The following GPC5 variants were observed in gnomAD, a reference collection of about 807,000 sequenced individuals.
GPC5 encodes glypican-5.
A neutral mutation model predicts 53.9 loss-of-function variants in GPC5; 47 were observed. The observed-to-expected ratio is 0.87, with a 90% CI of 0.69 to 1.11. The LOEUF (loss-of-function observed/expected upper bound fraction) is 1.11, where lower values mean the gene tolerates loss of function less well. Ranked by LOEUF, GPC5 falls within the 50% of genes most tolerant of loss-of-function variation. The probability of loss-of-function intolerance (pLI) is 0.00; values close to 1 mark genes in which losing one functional copy is unlikely to be tolerated. For missense variants in GPC5, 748 were observed against 713.1 expected (o/e 1.05, Z -0.56); for synonymous variants, 286 against 263.3 (o/e 1.09, Z -0.84).
chr13:92,513,353 A>G (rs2138955903), intron 7 of GPC5, among the ~76,000 whole-genome samples: 1 of 152,272 alleles, frequency 6.6e-6, no homozygotes, highest in Non-Finnish European at 1.5e-5. Context: ...TATAATAATG[A>G]ACATTGAAAG....
At chr13:92,487,084 GA>G (rs1190774817) in intron 7 of GPC5, among the ~76,000 whole-genome samples, 1 of 152,128 alleles carries the variant, frequency 6.6e-6, no homozygotes, top group East Asian at 1.9e-4. Context: ...TCGAACTCCT[GA>G]CCTCAGGTGA....
chr13:92,525,097 C>G (rs561373142), intron 7 of GPC5, among the ~76,000 whole-genome samples: 15 of 152,186 alleles, frequency 9.9e-5, no homozygotes, highest in Middle Eastern at 3.4e-3. Flanking sequence ...AAAGGCCATA[C>G]CATCGCATGG....
chr13:92,226,977 T>C (rs780429590), intron 7 of GPC5, among the ~76,000 whole-genome samples: 61 of 152,138 alleles, frequency 4.0e-4, no homozygotes, highest in Non-Finnish European at 6.0e-4. Flanking sequence ...CTGGGGCCAG[T>C]TACCTTGGAA....
chr13:92,381,691 A>T (rs890858153), intron 7 of GPC5, among the ~76,000 whole-genome samples: 2 of 151,548 alleles, frequency 1.3e-5, no homozygotes, highest in Non-Finnish European at 2.9e-5. Flanking sequence ...CGAAAACGAC[A>T]CTTGCATATG....
chr13:91,790,913 C>G (rs1015249130), intron 5 of GPC5, among the ~76,000 whole-genome samples: 1 of 152,066 alleles, frequency 6.6e-6, no homozygotes, highest in African/African-American at 2.4e-5. Context: ...GTACTCCATA[C>G]CCGTGTTTCT....
At chr13:91,572,065 GTATATACACACA>G (rs2031898127) in intron 2 of GPC5, among the ~76,000 whole-genome samples, 1 of 135,926 alleles carries the variant, frequency 7.4e-6, no homozygotes, top group African/African-American at 3.1e-5. Flanking sequence ...ATATATACAT[GTATATACACACA>G]TATGTATATG....
intron 7 of GPC5, among the ~76,000 whole-genome samples, chr13:92,695,531 A>T (rs1285119593): frequency 6.6e-6 from 1 of 152,002 alleles, no homozygotes; most frequent in Non-Finnish European, 1.5e-5. Context: ...CATCTTGTGA[A>T]ATTTGCCAAG....
intron 6 of GPC5, among the ~76,000 whole-genome samples, chr13:92,029,308 G>T (rs772604172): frequency 6.6e-6 from 1 of 152,190 alleles, no homozygotes; most frequent in Non-Finnish European, 1.5e-5. Context: ...GATGTTCTAT[G>T]AAATTTTGAC....
chr13:92,473,154 G>A (rs909566439), intron 7 of GPC5, among the ~76,000 whole-genome samples: 2 of 151,952 alleles, frequency 1.3e-5, no homozygotes, highest in Non-Finnish European at 2.9e-5. Flanking sequence ...TTCATCCATC[G>A]TCTAGATCTT....
intron 7 of GPC5, among the ~76,000 whole-genome samples, chr13:92,796,868 A>T (rs2138782231): frequency 6.6e-6 from 1 of 152,042 alleles, no homozygotes; most frequent in South Asian, 2.1e-4. Flanking sequence ...TCTAACTTTT[A>T]ATGAAAAATC....
chr13:91,979,404 C>T (rs1489970538), intron 6 of GPC5, among the ~76,000 whole-genome samples: 1 of 152,082 alleles, frequency 6.6e-6, no homozygotes, highest in Non-Finnish European at 1.5e-5. Flanking sequence ...TTCTAATTTT[C>T]CAAATGTCCT....
chr13:92,137,779 C>G (rs1486717234), intron 6 of GPC5, among the ~76,000 whole-genome samples: 1 of 152,278 alleles, frequency 6.6e-6, no homozygotes, highest in East Asian at 1.9e-4. Flanking sequence ...CATGCCCTAC[C>G]ACTCCCAGCT....
intron 1 of GPC5, among the ~76,000 whole-genome samples, chr13:91,408,331 T>C (rs1747485501): frequency 6.6e-6 from 1 of 152,178 alleles, no homozygotes; most frequent in Admixed American, 6.5e-5. Flanking sequence ...TGTGCCTGGT[T>C]TATTTCACTT....
intron 7 of GPC5, among the ~76,000 whole-genome samples, chr13:92,297,783 C>T (rs866445960): frequency 7.9e-5 from 12 of 151,996 alleles, no homozygotes; most frequent in South Asian, 2.1e-4. Context: ...ATTGGCAACC[C>T]GCTCGGGTCC....
intron 6 of GPC5, among the ~76,000 whole-genome samples, chr13:91,969,791 A>T (rs12875623): frequency 0.057 from 8,640 of 152,300 alleles, 344 homozygotes; most frequent in Non-Finnish European, 0.084. Flanking sequence ...CATCAGAAAA[A>T]TTCAGATCAA....
At chr13:91,837,179 C>T (rs889535408) in intron 5 of GPC5, among the ~76,000 whole-genome samples, 19 of 151,586 alleles carry the variant, frequency 1.3e-4, no homozygotes, top group African/African-American at 4.4e-4. Flanking sequence ...TCCAATAAAT[C>T]AAATTAATAT....
chr13:92,863,350 G>A (rs572807897), intron 7 of GPC5, among the ~76,000 whole-genome samples: 33 of 152,214 alleles, frequency 2.2e-4, no homozygotes, highest in East Asian at 1.4e-3. Context: ...TATTTTATGC[G>A]ACTGTTGTGA....
At chr13:92,036,995 G>A (rs1413107726) in intron 6 of GPC5, among the ~76,000 whole-genome samples, 1 of 152,018 alleles carries the variant, frequency 6.6e-6, no homozygotes, top group Non-Finnish European at 1.5e-5. Context: ...GTTTTTCAAG[G>A]AGCAGTCAAA....
intron 2 of GPC5, among the ~76,000 whole-genome samples, chr13:91,501,578 T>A (rs1017603837): frequency 2.0e-5 from 3 of 152,174 alleles, no homozygotes; most frequent in African/African-American, 7.2e-5. Flanking sequence ...CATGAACTCA[T>A]CCTTTTCTGT....
Sources: allele counts gnomAD v4.1 joint callset (sites outside exome capture counted in the v4.1 genomes callset), GRCh38; gene constraint gnomAD v4.1.1; transcripts MANE v1.5; gene names NCBI Gene and HGNC (gene_info 2026-07-23, HGNC 2026-07-21).